The following RBM34 variants were observed in gnomAD, a reference collection of about 807,000 sequenced individuals.
RBM34 encodes the protein RNA binding motif protein 34.
Under a neutral mutation model 44.6 loss-of-function variants are expected in RBM34, and 39 were observed. That is an observed-to-expected ratio of 0.87 (90% CI 0.68 to 1.14). The LOEUF is 1.14. RBM34 is among the 50% of genes most tolerant of loss of function. The pLI, the probability that RBM34 is intolerant of heterozygous loss-of-function variation, is 0.00. For synonymous variants in RBM34, 194 were observed against 184.0 expected (o/e 1.05, Z -0.44); for missense variants, 572 against 517.9 (o/e 1.10, Z -1.01).
chr1:235,152,658 T>C (rs1314698780), intron 5 of RBM34, 48 bp downstream of exon 5: 2 of 1,581,368 alleles, frequency 1.3e-6, no homozygotes, highest in Non-Finnish European at 1.7e-6. Context: ...CTGATTTAAA[T>C]GCAATAAATT....
intron 6 of RBM34, 123 bp from the exon 7 acceptor site, chr1:235,138,297 G>A (rs1661518663): frequency 3.0e-6 from 2 of 675,844 alleles, no homozygotes; most frequent in African/African-American, 3.6e-5. Flanking sequence ...GAATTCCTGG[G>A]TGGACATTTC....
At chr1:235,134,006 G>T (rs1261093630) in intron 10 of RBM34, among the ~76,000 whole-genome samples, 1 of 152,160 alleles carries the variant, frequency 6.6e-6, no homozygotes, top group Admixed American at 6.5e-5. Context: ...CACAGGCGCT[G>T]GCCACCATGA....
rs1272140946 is a variant in RBM34 at position 235,137,867 on chromosome 1, T to A, written c.849+10A>T. The A allele has an allele frequency of 6.3e-7, 1 of 1,574,962 alleles. No individual in the cohort carries two copies. Among genetic ancestry groups the A allele is most frequent in the Non-Finnish European group, 8.7e-7 (1 of 1,150,012 alleles). ...GCTCTCGTTCTTTAAACAAATCAAG[T>A]ACTACTTACAGATGAGGTCTCAGAT... On this transcript the variant is annotated intron_variant, in intron 8 of 10. Transcript: ENST00000408888.
intron 6 of RBM34, among the ~76,000 whole-genome samples, chr1:235,144,462 A>G (rs1249488011): frequency 6.6e-6 from 1 of 151,552 alleles, no homozygotes; most frequent in East Asian, 1.9e-4. Context: ...TGTACATGTC[A>G]AATATGTGCA....
At chr1:235,135,323 G>C (rs1262111916) in intron 10 of RBM34, among the ~76,000 whole-genome samples, 2 of 151,864 alleles carry the variant, frequency 1.3e-5, no homozygotes, top group African/African-American at 4.8e-5. Flanking sequence ...CCACCTCCCG[G>C]GTTCAAGCGA....
At chr1:235,152,089 A>C (rs955126324) in intron 5 of RBM34, among the ~76,000 whole-genome samples, 1 of 152,170 alleles carries the variant, frequency 6.6e-6, no homozygotes, top group African/African-American at 2.4e-5. Context: ...TAATTATGTA[A>C]TAGTGCCCAA....
intron 5 of RBM34, among the ~76,000 whole-genome samples, chr1:235,148,895 G>A (rs1302807764): frequency 1.3e-5 from 2 of 151,884 alleles, no homozygotes; most frequent in Non-Finnish European, 1.5e-5. Flanking sequence ...ACCACGGCTG[G>A]CCAATCATCT....
In RBM34 at chr1:235,135,652, C is replaced by T; in HGVS notation, c.1008G>A (p.Glu336=). 1 of 1,611,894 alleles carries T rather than the reference C, an allele frequency of 6.2e-7. No individual in the cohort carries two copies. The highest frequency in any genetic ancestry group is 8.5e-7 in the Non-Finnish European group (1 of 1,177,936). The change falls in exon 10 of 11, where the codon GAG becomes GAA. Residue 336 remains glutamate, a splice_region_variant and synonymous_variant. Coordinates refer to ENST00000408888, the MANE Select transcript of RBM34 (RefSeq NM_015014.4). ...IGKGFGYVLF[E]NTDSVHLALK... is the part of the protein sequence containing the mutation. ...GTGACAATGCATTAGTCTCCCATACCTCAAAGAGCACATAGCCAAACCCTT... is the reference window on the plus strand; with the variant it reads ...GTGACAATGCATTAGTCTCCCATACTTCAAAGAGCACATAGCCAAACCCTT...
intron 6 of RBM34, among the ~76,000 whole-genome samples, chr1:235,138,919 C>A (rs1050404536): frequency 1.3e-5 from 2 of 152,152 alleles, no homozygotes; most frequent in African/African-American, 4.8e-5. Context: ...TTAACACAAA[C>A]CTTTGTCCTC....
intron 4 of RBM34, among the ~76,000 whole-genome samples, chr1:235,153,669 G>A (rs538419098): frequency 1.4e-4 from 22 of 152,186 alleles, no homozygotes; most frequent in South Asian, 6.2e-4. Context: ...CAGGGGATCC[G>A]CCCGCCTTGG....
chr1:235,134,017 C>T (rs529728833), intron 10 of RBM34, among the ~76,000 whole-genome samples: 17 of 152,146 alleles, frequency 1.1e-4, no homozygotes, highest in Admixed American at 4.6e-4. Flanking sequence ...GCCACCATGA[C>T]CAGCTAGATT....
chr1:235,135,951 C>A, intron 9 of RBM34, 83 bp downstream of exon 9: 1 of 1,331,740 alleles, frequency 7.5e-7, no homozygotes. Context: ...AGTCTTAAAT[C>A]AAAACATTAA....
chr1:235,145,332 T>C (rs1159090455), intron 6 of RBM34, among the ~76,000 whole-genome samples: 2 of 151,594 alleles, frequency 1.3e-5, no homozygotes, highest in Non-Finnish European at 2.9e-5. Context: ...GGCTGGAGCG[T>C]AGTGGTGCAA....
chr1:235,153,718 G>A (rs556624583), intron 4 of RBM34, among the ~76,000 whole-genome samples: 54 of 152,188 alleles, frequency 3.5e-4, no homozygotes, highest in Non-Finnish European at 2.2e-4. Flanking sequence ...GGGCCACCAC[G>A]CCTGGCCTCA....
intron 8 of RBM34, among the ~76,000 whole-genome samples, chr1:235,136,655 T>A (rs951950426): frequency 5.3e-5 from 8 of 152,214 alleles, no homozygotes; most frequent in Admixed American, 5.2e-4. Flanking sequence ...TTTCTGTGGG[T>A]GAACTGTTAT....
intron 3 of RBM34, among the ~76,000 whole-genome samples, chr1:235,159,411 G>A (rs373100040): frequency 6.6e-6 from 1 of 151,720 alleles, no homozygotes; most frequent in African/African-American, 2.4e-5. Flanking sequence ...TCAGCTGGGT[G>A]TGATGGCGCG....
chr1:235,139,876 A>G (rs1278230093), intron 6 of RBM34, among the ~76,000 whole-genome samples: 6 of 152,322 alleles, frequency 3.9e-5, no homozygotes, highest in East Asian at 1.9e-4. Flanking sequence ...GACAAGCAGG[A>G]AAGATTCCAG....
Position 235,131,730 on chromosome 1 carries a change from G to C in RBM34, c.1276C>G (p.Gln426Glu), listed in dbSNP as rs2102819206. The C allele has an allele frequency of 6.3e-7, 1 of 1,590,418 alleles. No homozygotes were observed. The highest frequency in any genetic ancestry group is 1.4e-5 in the African/African-American group (1 of 73,312). The part of the protein sequence containing the change: ...GQKKSGRPKK[Q>E]RKQK ...CCTGGTTGTTATTTCTGTTTTCTCT[G>C]TTTCTTAGGGCGTCCACTTTTCTTC... Residue 426 changes from glutamine (Q) to glutamate (E), a missense_variant, in exon 11 of 11, where the codon CAG becomes GAG. Physicochemically the swap from Gln to Glu is conservative, Grantham distance 29. Transcript: ENST00000408888.
At chr1:235,160,396 A>T (rs1450319480) in intron 3 of RBM34, 115 bp downstream of exon 3, 1 of 1,361,264 alleles carries the variant, frequency 7.3e-7, no homozygotes, top group Non-Finnish European at 1.0e-6. Context: ...ATTTTCCATA[A>T]TAAAAGTTTT....
Sources: allele counts gnomAD v4.1 joint callset (sites outside exome capture counted in the v4.1 genomes callset), GRCh38; gene constraint gnomAD v4.1.1; transcripts MANE v1.5; gene names NCBI Gene and HGNC (gene_info 2026-07-23, HGNC 2026-07-21).